The following OR51B5 variants were observed in gnomAD, a reference collection of about 807,000 sequenced individuals.
OR51B5 encodes the protein olfactory receptor 51B5.
For missense variants in OR51B5, 456 were observed against 374.6 expected (o/e 1.22, Z -1.79); for synonymous variants, 186 against 144.8 (o/e 1.28, Z -2.04).
At chr11:5,399,441 C>T (rs1849933787) in intron 1 of OR51B5, among the ~76,000 whole-genome samples, 1 of 152,142 alleles carries the variant, frequency 6.6e-6, no homozygotes, top group Non-Finnish European at 1.5e-5. Flanking sequence ...TAAGTATTAA[C>T]ATCTTTATCT....
intron 1 of OR51B5, among the ~76,000 whole-genome samples, chr11:5,460,160 G>T (rs1222276487): frequency 6.6e-6 from 1 of 152,102 alleles, no homozygotes; most frequent in African/African-American, 2.4e-5. Flanking sequence ...AAAACCACAT[G>T]TTCTCACCTA....
intron 1 of OR51B5, among the ~76,000 whole-genome samples, chr11:5,378,092 G>A (rs1248809558): frequency 1.3e-5 from 2 of 151,890 alleles, no homozygotes; most frequent in African/African-American, 2.4e-5. Flanking sequence ...AAAACAGCAT[G>A]TTACTGGTAC....
intron 1 of OR51B5, among the ~76,000 whole-genome samples, chr11:5,380,659 C>A (rs1245749260): frequency 6.6e-6 from 1 of 152,172 alleles, no homozygotes; most frequent in African/African-American, 2.4e-5. Context: ...AGATTACCAT[C>A]TGTAAAAATC....
chr11:5,429,123 T>C (rs1850493904), intron 1 of OR51B5, among the ~76,000 whole-genome samples: 1 of 152,168 alleles, frequency 6.6e-6, no homozygotes, highest in Non-Finnish European at 1.5e-5. Context: ...AGCACATGAC[T>C]ACCATTTTCC....
At chr11:5,379,979 A>C (rs1849586156) in intron 1 of OR51B5, among the ~76,000 whole-genome samples, 1 of 145,614 alleles carries the variant, frequency 6.9e-6, no homozygotes, top group African/African-American at 2.6e-5. Flanking sequence ...TCATGAACCA[A>C]ACAAAACTTT....
At chr11:5,465,540 C>T (rs1013979002) in intron 1 of OR51B5, among the ~76,000 whole-genome samples, 3 of 151,200 alleles carry the variant, frequency 2.0e-5, no homozygotes, top group South Asian at 2.1e-4. Context: ...AGGCATCACA[C>T]TACCTGACTT....
chr11:5,496,906 G>C (rs540798441), intron 1 of OR51B5, among the ~76,000 whole-genome samples: 1 of 152,128 alleles, frequency 6.6e-6, no homozygotes, highest in Non-Finnish European at 1.5e-5. Context: ...GATAGTCCTA[G>C]ACAGCACTTC....
At chr11:5,347,147 C>G (rs1589944686), upstream of OR51B5, among the ~76,000 whole-genome samples, 1 of 152,156 alleles carries the variant, frequency 6.6e-6, no homozygotes, top group East Asian at 1.9e-4. Flanking sequence ...ATCAGACAGC[C>G]TGTCTTCATA....
At chr11:5,455,054 A>T (rs1045287546) in intron 1 of OR51B5, 3 of 152,264 alleles carry the variant, frequency 2.0e-5, no homozygotes. Context: ...CAGCTTAACT[A>T]TTAGAACTCA....
chr11:5,484,969 C>A (rs770656273), intron 1 of OR51B5, among the ~76,000 whole-genome samples: 1 of 152,188 alleles, frequency 6.6e-6, no homozygotes, highest in Non-Finnish European at 1.5e-5. Flanking sequence ...GATTTTAGCA[C>A]TTTCAGATTT....
In OR51B5 at chr11:5,453,409, T is replaced by C. The variant is rs1850887498; in HGVS notation, n.84+52160A>G. The C allele has an allele frequency of 1.1e-5, 11 of 1,013,644 alleles. No homozygotes were observed. In the South Asian group the frequency reaches 1.9e-4, roughly 18 times the overall value. The allele number at this position is 1,013,644 out of a possible 1,614,324, so 62.8% of individuals were successfully genotyped here. On this transcript the variant is annotated intron_variant and non_coding_transcript_variant, in intron 1 of 4. Coordinates refer to the OR51B5 transcript ENST00000415970. The stretch of plus-strand genomic sequence containing the variant: ...CTTTGTCTCTTATCTCCTGATTTCT[T>C]GTCCTCCAGCAAGTGCAACTGTTAG...
At chr11:5,376,120 C>A (rs1161589904) in intron 1 of OR51B5, among the ~76,000 whole-genome samples, 6 of 152,042 alleles carry the variant, frequency 3.9e-5, no homozygotes, top group Non-Finnish European at 7.4e-5. Context: ...GTCTCTCAGA[C>A]CACAGTGCAA....
chr11:5,353,246 T>A (rs78526400), intron 1 of OR51B5, among the ~76,000 whole-genome samples: 10,701 of 152,172 alleles, frequency 0.07, 443 homozygotes, highest in African/African-American at 0.099. Context: ...AAACTTTGGT[T>A]AACATTTATC....
intron 1 of OR51B5, among the ~76,000 whole-genome samples, chr11:5,393,838 T>G (rs1242492258): frequency 1.3e-5 from 2 of 152,174 alleles, no homozygotes; most frequent in Non-Finnish European, 2.9e-5. Flanking sequence ...AAGTCAGAAC[T>G]GAAATTCAAT....
intron 1 of OR51B5, among the ~76,000 whole-genome samples, chr11:5,350,590 T>TA (rs968183689): frequency 2.8e-4 from 42 of 150,580 alleles, no homozygotes; most frequent in East Asian, 9.7e-4. Flanking sequence ...TCCATAGTTT[T>TA]AAAAAAAAAA....
Position 5,484,730 on chromosome 11 carries a change from G to C in OR51B5, n.84+20839C>G, listed in dbSNP as rs560864202. 2.6e-5 allele frequency among the ~76,000 whole-genome samples: 4 copies of C among 152,294 alleles called. No individual in the cohort carries two copies. The East Asian group carries it at 7.7e-4, about 29-fold the overall frequency. On this transcript the variant is annotated intron_variant and non_coding_transcript_variant, in intron 1 of 4. Transcript: ENST00000415970. ...TAAATGACCTGCCCAAGGACACAAA[G>C]CCAGGAAGTAGCAAACCTGGGCCTT...
chr11:5,401,443 C>T (rs2647586), intron 1 of OR51B5, among the ~76,000 whole-genome samples: 56,752 of 152,060 alleles, frequency 0.37, 10,688 homozygotes, highest in South Asian at 0.43. Flanking sequence ...ATTTTCAAAA[C>T]ATGGGACAGC....
intron 1 of OR51B5, among the ~76,000 whole-genome samples, chr11:5,388,902 G>C (rs188150882): frequency 6.6e-6 from 1 of 152,080 alleles, no homozygotes; most frequent in Non-Finnish European, 1.5e-5. Context: ...ACTATGGAGA[G>C]ATGTGATATG....
chr11:5,402,966 G>A (rs1289360314), intron 1 of OR51B5: 6 of 471,184 alleles, frequency 1.3e-5, no homozygotes, highest in Non-Finnish European at 2.6e-5. Context: ...CCATGTCTTT[G>A]GACCGCTTTA....
Sources: allele counts gnomAD v4.1 joint callset (sites outside exome capture counted in the v4.1 genomes callset), GRCh38; gene constraint gnomAD v4.1.1; transcripts MANE v1.5; gene names NCBI Gene and HGNC (gene_info 2026-07-23, HGNC 2026-07-21).